GPC5: variants seen among roughly 807,000 people sequenced by gnomAD.
The protein encoded by GPC5 is glypican-5.
Under a neutral mutation model 53.9 loss-of-function variants are expected in GPC5, and 47 were observed. The observed-to-expected ratio is 0.87, with a 90% CI of 0.69 to 1.11. GPC5 has a LOEUF of 1.11. Ranked by LOEUF, GPC5 falls within the 50% of genes most tolerant of loss-of-function variation. The pLI is 0.00. For missense variants in GPC5, 748 were observed against 713.1 expected, an observed-to-expected ratio of 1.05 and a Z score of -0.56; for synonymous variants, 286 against 263.3, an observed-to-expected ratio of 1.09 and a Z score of -0.84.
At chr13:92,237,210 G>A (rs2042576947) in intron 7 of GPC5, among the ~76,000 whole-genome samples, 1 of 152,024 alleles carries the variant, frequency 6.6e-6, no homozygotes, top group African/African-American at 2.4e-5. Context: ...AAAAGGTCTT[G>A]TGTTTTATTA....
rs142528174 is a variant in GPC5, at chr13:91,620,208, A to G, written c.326-72979A>G. On this transcript the variant is annotated intron_variant, in intron 2 of 7. Transcript: ENST00000377067. ...TCTTCTGTGTCTAAAATCACCATGCAACTTATTTCCATTATTAATCACAGA... is the reference window on the plus strand; with the variant it reads ...TCTTCTGTGTCTAAAATCACCATGCGACTTATTTCCATTATTAATCACAGA... Among the ~76,000 whole-genome samples, 33 of 152,210 alleles carry G rather than the reference A, an allele frequency of 2.2e-4. No individual in the cohort carries two copies. In the East Asian group the frequency reaches 6.0e-3, roughly 28 times the overall value.
intron 2 of GPC5, among the ~76,000 whole-genome samples, chr13:91,689,664 A>G (rs1046434516): frequency 3.2e-4 from 49 of 151,906 alleles, no homozygotes; most frequent in African/African-American, 1.0e-3. Flanking sequence ...AAAAACTAAG[A>G]CACAAACACA....
chr13:92,339,046 T>A (rs1052907343), intron 7 of GPC5, among the ~76,000 whole-genome samples: 1 of 151,962 alleles, frequency 6.6e-6, no homozygotes, highest in African/African-American at 2.4e-5. Flanking sequence ...CTAAAACTAT[T>A]CTTAAAAAAA....
At chr13:91,544,325 CT>C (rs1248858395) in intron 2 of GPC5, among the ~76,000 whole-genome samples, 1 of 151,878 alleles carries the variant, frequency 6.6e-6, no homozygotes, top group East Asian at 2.0e-4. Flanking sequence ...TTTTTAAAAA[CT>C]TTCTAACTAT....
chr13:91,988,421 A>G (rs937452399), intron 6 of GPC5, among the ~76,000 whole-genome samples: 1 of 152,166 alleles, frequency 6.6e-6, no homozygotes, highest in African/African-American at 2.4e-5. Context: ...TTGATCCAAA[A>G]CACTCTTTTG....
intron 2 of GPC5, among the ~76,000 whole-genome samples, chr13:91,536,784 T>C (rs529324274): frequency 2.0e-5 from 3 of 152,278 alleles, no homozygotes; most frequent in African/African-American, 7.2e-5. Context: ...AAACAATAAA[T>C]TGTGGCACAG....
chr13:91,965,013 C>T (rs1470632050), intron 6 of GPC5, among the ~76,000 whole-genome samples: 1 of 141,772 alleles, frequency 7.1e-6, no homozygotes, highest in African/African-American at 2.6e-5. Context: ...TATTCTCACT[C>T]GTAGGTGGGA....
chr13:92,376,234 C>T (rs1190796551), intron 7 of GPC5, among the ~76,000 whole-genome samples: 1 of 152,118 alleles, frequency 6.6e-6, no homozygotes, highest in Admixed American at 6.5e-5. Flanking sequence ...ATAATAGCAT[C>T]TTTTATTTCT....
chr13:92,409,458 A>T (rs1875948509), intron 7 of GPC5, among the ~76,000 whole-genome samples: 1 of 152,216 alleles, frequency 6.6e-6, no homozygotes, highest in South Asian at 2.1e-4. Context: ...ATAAGGTGCT[A>T]TGCCACACTA....
chr13:92,128,860 G>A (rs1373350027), intron 6 of GPC5, among the ~76,000 whole-genome samples: 1 of 152,190 alleles, frequency 6.6e-6, no homozygotes, highest in African/African-American at 2.4e-5. Flanking sequence ...CTATTCAGGA[G>A]GCTGAGGCAG....
chr13:92,086,860 T>C (rs1245624527), intron 6 of GPC5, among the ~76,000 whole-genome samples: 2 of 152,192 alleles, frequency 1.3e-5, no homozygotes, highest in African/African-American at 2.4e-5. Flanking sequence ...GGTTTCACCA[T>C]GTTGGCCAGG....
At chr13:92,561,433 T>G (rs1465521358) in intron 7 of GPC5, among the ~76,000 whole-genome samples, 3 of 152,036 alleles carry the variant, frequency 2.0e-5, no homozygotes. Context: ...CTCAATGCCT[T>G]AGTTTCTTCT....
intron 1 of GPC5, among the ~76,000 whole-genome samples, chr13:91,438,244 T>C (rs745894230): frequency 8.5e-5 from 13 of 152,210 alleles, no homozygotes; most frequent in Non-Finnish European, 1.6e-4. Flanking sequence ...ACTCTGATTT[T>C]TAGAGTTTCC....
chr13:92,195,344 C>A (rs1211618975), intron 7 of GPC5, among the ~76,000 whole-genome samples: 2 of 152,090 alleles, frequency 1.3e-5, no homozygotes, highest in African/African-American at 4.8e-5. Context: ...AAGAATTAAG[C>A]CAAGCTCCGT....
chr13:92,039,533 C>G (rs1323696702), intron 6 of GPC5, among the ~76,000 whole-genome samples: 3 of 152,226 alleles, frequency 2.0e-5, no homozygotes, highest in Non-Finnish European at 2.9e-5. Flanking sequence ...TCAAGAAAAT[C>G]TACTAAGTTT....
intron 6 of GPC5, among the ~76,000 whole-genome samples, chr13:92,082,585 AAAAT>A (rs2041305073): frequency 6.6e-6 from 1 of 152,364 alleles, no homozygotes; most frequent in East Asian, 1.9e-4. Flanking sequence ...TAGTTTTCTC[AAAAT>A]AAATATATTG....
At chr13:92,764,416 T>C (rs901606246) in intron 7 of GPC5, among the ~76,000 whole-genome samples, 6 of 152,196 alleles carry the variant, frequency 3.9e-5, no homozygotes, top group African/African-American at 9.6e-5. Context: ...GGCTAGGACA[T>C]AGCGTCAGTT....
At chr13:91,950,491 G>A (rs980328915) in intron 6 of GPC5, among the ~76,000 whole-genome samples, 1 of 151,910 alleles carries the variant, frequency 6.6e-6, no homozygotes, top group Non-Finnish European at 1.5e-5. Context: ...TAAGCACTTG[G>A]CTCAGAATGA....
At chr13:92,675,251 A>G (rs1886898754) in intron 7 of GPC5, among the ~76,000 whole-genome samples, 1 of 152,130 alleles carries the variant, frequency 6.6e-6, no homozygotes, top group Non-Finnish European at 1.5e-5. Context: ...GTATATTTAA[A>G]AGTTAAATCC....
Sources: allele counts gnomAD v4.1 joint callset (sites outside exome capture counted in the v4.1 genomes callset), GRCh38; gene constraint gnomAD v4.1.1; transcripts MANE v1.5; gene names NCBI Gene and HGNC (gene_info 2026-07-23, HGNC 2026-07-21).